Variants in PAIP2 observed in about 807,000 individuals in gnomAD.
The protein encoded by PAIP2 is poly(A) binding protein interacting protein 2.
In PAIP2, 7 loss-of-function variants were observed where a neutral mutation model predicts 14.8. The observed-to-expected ratio is 0.47, with a 90% confidence interval of 0.27 to 0.89. PAIP2 has a LOEUF of 0.89. Ranked by LOEUF, PAIP2 falls within the 40% of genes least tolerant of loss-of-function variation. The pLI, the probability that PAIP2 is intolerant of heterozygous loss-of-function variation, is 0.13. For missense variants in PAIP2, 122 were observed against 154.7 expected (o/e 0.79, Z 1.12); for synonymous variants, 47 against 45.3 (o/e 1.04, Z -0.15).
intron 1 of PAIP2, among the ~76,000 whole-genome samples, chr5:139,353,536 A>G (rs1436087839): frequency 6.6e-6 from 1 of 152,088 alleles, no homozygotes; most frequent in Non-Finnish European, 1.5e-5. Context: ...TTGAGTTAAT[A>G]TCAGCTTAGT....
Position 139,353,748 on chromosome 5 carries a change from C to G in PAIP2, c.-26-10011C>G, listed in dbSNP as rs115762492. Reference sequence around the variant, plus strand: ...CTTTTTTTTTTTTAAGGCAGAGTCTCACTGTTGTTGGCCCAGGCTGGAGTG... The same window carrying G: ...CTTTTTTTTTTTTAAGGCAGAGTCTGACTGTTGTTGGCCCAGGCTGGAGTG... On this transcript the variant is annotated intron_variant, in intron 1 of 3. Coordinates refer to ENST00000265192, the MANE Select transcript of PAIP2 (RefSeq NM_016480.5). Among the ~76,000 whole-genome samples the G allele has an allele frequency of 3.6e-3, 526 of 147,862 alleles. 5 individuals carry two copies. The highest frequency in any genetic ancestry group is 0.012 in the African/African-American group (490 of 40,500).
intron 1 of PAIP2, among the ~76,000 whole-genome samples, chr5:139,343,846 T>G (rs1260074620): frequency 6.6e-6 from 1 of 151,810 alleles, no homozygotes; most frequent in Non-Finnish European, 1.5e-5. Flanking sequence ...GCCTCCCTAG[T>G]AGCTGGGACT....
At chr5:139,349,781 A>C (rs1035275480) in intron 1 of PAIP2, among the ~76,000 whole-genome samples, 1 of 151,998 alleles carries the variant, frequency 6.6e-6, no homozygotes, top group Non-Finnish European at 1.5e-5. Flanking sequence ...AGATAGGTGG[A>C]TCACAAAGTC....
Position 139,363,938 on chromosome 5 carries a change from A to C in PAIP2, c.138+16A>C. On this transcript the variant is annotated intron_variant, in intron 2 of 3. Coordinates refer to ENST00000265192, the MANE Select transcript of PAIP2 (RefSeq NM_016480.5). ...CAACAGACAAGTTAGTTTTTTGTAC[A>C]AACATGTTTTTATAGTCCATTCTGG... 6.2e-7 allele frequency: 1 copy of C among 1,611,000 alleles called. No homozygotes were observed. Among genetic ancestry groups the C allele is most frequent in the South Asian group, 1.1e-5 (1 of 90,934 alleles).
rs1441916710 is a variant in PAIP2 at position 139,363,766 on chromosome 5, A to G, written c.-19A>G. The G allele has an allele frequency of 6.2e-7, 1 of 1,611,048 alleles. No homozygotes were observed. Among genetic ancestry groups the G allele is most frequent in the South Asian group, 1.1e-5 (1 of 90,380 alleles). On this transcript the variant is annotated 5_prime_UTR_variant, in exon 2 of 4. Transcript: ENST00000265192. ...TGCTGTTGTTCTTTTAAGGTTAAAA[A>G]CGACAACCAACATCAGCCATGAAAG...
intron 1 of PAIP2, among the ~76,000 whole-genome samples, chr5:139,345,818 G>A (rs986062202): frequency 7.3e-5 from 11 of 151,714 alleles, no homozygotes; most frequent in African/African-American, 1.9e-4. Flanking sequence ...TAGGAGAGAT[G>A]GGGTTTCACC....
intron 1 of PAIP2, among the ~76,000 whole-genome samples, chr5:139,363,402 A>G (rs752637801): frequency 1.6e-4 from 24 of 152,238 alleles, no homozygotes; most frequent in Middle Eastern, 3.4e-3. Context: ...GATGCCTGCT[A>G]ATAATAAACA....
chr5:139,348,608 C>T (rs1031005573), intron 1 of PAIP2, among the ~76,000 whole-genome samples: 5 of 151,894 alleles, frequency 3.3e-5, no homozygotes, highest in South Asian at 2.1e-4. Context: ...CTGCCCACCT[C>T]GGCCTCCCAA....
At chr5:139,344,055 T>G (rs1756464124) in intron 1 of PAIP2, among the ~76,000 whole-genome samples, 1 of 152,192 alleles carries the variant, frequency 6.6e-6, no homozygotes, top group African/African-American at 2.4e-5. Context: ...AGCAAATATT[T>G]ATATAACAAT....
intron 1 of PAIP2, among the ~76,000 whole-genome samples, chr5:139,358,694 C>G (rs1170626814): frequency 6.6e-6 from 1 of 152,134 alleles, no homozygotes; most frequent in Non-Finnish European, 1.5e-5. Context: ...GAATGAAATG[C>G]TGATACATGC....
At chr5:139,348,319 G>T (rs1158415983) in intron 1 of PAIP2, among the ~76,000 whole-genome samples, 2 of 151,406 alleles carry the variant, frequency 1.3e-5, no homozygotes, top group Admixed American at 1.3e-4. Flanking sequence ...CTTCTGAGTA[G>T]CTGGGACAAC....
At chr5:139,348,419 G>C (rs1273016083) in intron 1 of PAIP2, among the ~76,000 whole-genome samples, 3 of 151,026 alleles carry the variant, frequency 2.0e-5, no homozygotes, top group Non-Finnish European at 4.4e-5. Flanking sequence ...CAGTGGCGTA[G>C]TCTCAGCTGA....
chr5:139,342,266 G>C (rs934973990), intron 1 of PAIP2, among the ~76,000 whole-genome samples: 1 of 152,022 alleles, frequency 6.6e-6, no homozygotes, highest in Non-Finnish European at 1.5e-5. Flanking sequence ...AGGGTTGCCG[G>C]GATAGCACTT....
At chr5:139,364,040 C>A in intron 2 of PAIP2, 118 bp downstream of exon 2, 1 of 810,732 alleles carries the variant, frequency 1.2e-6, no homozygotes, top group Non-Finnish European at 2.0e-6. Flanking sequence ...ACTGATGTGC[C>A]ACCACTCCTG....
chr5:139,351,329 A>G (rs895470763), intron 1 of PAIP2, among the ~76,000 whole-genome samples: 27 of 151,840 alleles, frequency 1.8e-4, no homozygotes, highest in African/African-American at 5.8e-4. Context: ...AAAAAAAAAG[A>G]GTGATCATAG....
At chr5:139,350,130 G>A (rs1756681610) in intron 1 of PAIP2, among the ~76,000 whole-genome samples, 1 of 150,610 alleles carries the variant, frequency 6.6e-6, no homozygotes, top group South Asian at 2.1e-4. Context: ...AGCTGAGATC[G>A]CGCCACTGCA....
intron 1 of PAIP2, among the ~76,000 whole-genome samples, chr5:139,355,521 C>T (rs187451005): frequency 2.0e-5 from 3 of 152,228 alleles, no homozygotes; most frequent in South Asian, 2.1e-4. Context: ...TTCTATGGTT[C>T]CTTTTATTTT....
Position 139,369,012 on chromosome 5 carries a change from T to C in PAIP2, c.*214T>C. 2.3e-6 allele frequency: 1 copy of C among 434,982 alleles called. No individual in the cohort carries two copies. The highest frequency in any genetic ancestry group is 4.1e-6 in the Non-Finnish European group (1 of 243,270). The allele number at this position is 434,982 out of a possible 1,614,324, so 26.9% of individuals were successfully genotyped here. ...TGAAAATAGAATTGGCCCCATGGCT[T>C]GATGTGAAGACAGCAAGGAAAGAAG... On this transcript the variant is annotated 3_prime_UTR_variant, in exon 4 of 4. Transcript: ENST00000265192.
At chr5:139,354,199 T>C (rs998069182) in intron 1 of PAIP2, among the ~76,000 whole-genome samples, 5 of 152,246 alleles carry the variant, frequency 3.3e-5, no homozygotes, top group African/African-American at 4.8e-5. Flanking sequence ...GCTTTTCTTA[T>C]AGGACAGGTC....
Sources: allele counts gnomAD v4.1 joint callset (sites outside exome capture counted in the v4.1 genomes callset), GRCh38; gene constraint gnomAD v4.1.1; transcripts MANE v1.5; gene names NCBI Gene and HGNC (gene_info 2026-07-23, HGNC 2026-07-21).